The following UPF1 variants were observed in gnomAD, a reference collection of about 807,000 sequenced individuals.
The protein encoded by UPF1 is UPF1 RNA helicase and ATPase.
Under a neutral mutation model 129.2 loss-of-function variants are expected in UPF1, and 9 were observed. The observed-to-expected ratio is 0.07, with a 90% CI of 0.04 to 0.12. The LOEUF (loss-of-function observed/expected upper bound fraction) is 0.12. Among genes scored for constraint, UPF1 ranks in the 10% least tolerant of loss-of-function variants. UPF1 has a pLI of 1.00. For synonymous variants in UPF1, 649 were observed against 644.9 expected (o/e 1.01, Z -0.10); for missense variants, 788 against 1,525.3 (o/e 0.52, Z 8.05).
chr19:18,837,869 CT>C (rs1407826018), intron 1 of UPF1, among the ~76,000 whole-genome samples: 1 of 152,174 alleles, frequency 6.6e-6, no homozygotes, highest in Non-Finnish European at 1.5e-5. Context: ...GAAAAACATG[CT>C]GTCTTTCTGG....
rs901712860 is a variant in UPF1, at chr19:18,851,547, C to T, written c.811-588C>T. ...GGATTTTCCGGTTGCCAGATGATTT[C>T]ATGATTCCCGTTTATATCTGAACAG... is the stretch of plus-strand genomic sequence containing the variant. On this transcript the variant is annotated intron_variant, in intron 5 of 23. Coordinates refer to ENST00000262803, the MANE Select transcript of UPF1 (RefSeq NM_002911.4). The surrounding 1 kb of genome is among the most constrained non-coding windows in gnomAD (Gnocchi z 4.2). 6.6e-6 allele frequency among the ~76,000 whole-genome samples: 1 copy of T among 152,072 alleles called. No homozygotes were observed. The highest frequency in any genetic ancestry group is 1.5e-5 in the Non-Finnish European group (1 of 68,034).
chr19:18,851,079 C>T lies in UPF1; in HGVS notation c.810+211C>T. ...CCTTACCTGACCGAGAAGATCCTGGCCTTGGGGAAAGGAAAGCTCTGGCTG... is the reference window on the plus strand; with the variant it reads ...CCTTACCTGACCGAGAAGATCCTGGTCTTGGGGAAAGGAAAGCTCTGGCTG... On this transcript the variant is annotated intron_variant, in intron 5 of 23. Coordinates refer to ENST00000262803, the MANE Select transcript of UPF1 (RefSeq NM_002911.4). This position sits in a 1 kb window ranked among gnomAD's most constrained non-coding sequence, Gnocchi z 4.2. 2.0e-6 allele frequency: 1 copy of T among 499,334 alleles called. No individual in the cohort carries two copies. Among genetic ancestry groups the T allele is most frequent in the Non-Finnish European group, 3.3e-6 (1 of 300,382 alleles). The allele number at this position is 499,334 out of a possible 1,614,324, so 30.9% of individuals were successfully genotyped here. A position where few individuals can be genotyped will look rare whatever the true frequency, so the allele number is the denominator to read the frequency against.
chr19:18,855,282 G>A (rs1215951080), intron 11 of UPF1, 40 bp downstream of exon 11: 2 of 1,593,920 alleles, frequency 1.3e-6, no homozygotes, highest in South Asian at 1.1e-5. Context: ...ACCCGGGAGG[G>A]CTTTAGGGTG....
chr19:18,860,835 T>A lies in UPF1; in HGVS notation c.2310T>A (p.Ala770=). Residue 770 remains alanine, a synonymous_variant, in exon 17 of 24, where the codon GCT becomes GCA. Transcript: ENST00000262803. ...SGTSYLNRTE[A]ANVEKITTKL... is the part of the protein sequence containing the mutation. ...AGCCTGGGTTTCTTAGGACCGAGGCTGCGAACGTGGAGAAGATCACCACGA... is the reference window on the plus strand; with the variant it reads ...AGCCTGGGTTTCTTAGGACCGAGGCAGCGAACGTGGAGAAGATCACCACGA... The A allele has an allele frequency of 6.2e-7, 1 of 1,612,482 alleles. No homozygotes were observed. Among genetic ancestry groups the A allele is most frequent in the Non-Finnish European group, 8.5e-7 (1 of 1,179,684 alleles).
Position 18,865,804 on chromosome 19 carries a change from T to TA in UPF1, c.3237+27dup. ...GTGAGCCCGCCCCTGGGACGGGACT[T>TA]ACCTGAGTGAGGGTGGGGCTATGCA... On this transcript the variant is annotated intron_variant, in intron 22 of 23. Coordinates refer to ENST00000262803, the MANE Select transcript of UPF1 (RefSeq NM_002911.4). This position sits in a 1 kb window ranked among gnomAD's most constrained non-coding sequence, Gnocchi z 6.1. The TA allele has an allele frequency of 6.2e-7, 1 of 1,611,108 alleles. No homozygotes were observed. The highest frequency in any genetic ancestry group is 1.3e-5 in the African/African-American group (1 of 75,020).
intron 1 of UPF1, among the ~76,000 whole-genome samples, chr19:18,841,453 G>A (rs993587411): frequency 2.1e-4 from 32 of 152,320 alleles, no homozygotes; most frequent in Admixed American, 1.6e-3. Context: ...GGCTTTTCAC[G>A]ATTGTCCGAT....
At chr19:18,834,855 A>C (rs1250810150) in intron 1 of UPF1, among the ~76,000 whole-genome samples, 1 of 152,126 alleles carries the variant, frequency 6.6e-6, no homozygotes, top group African/African-American at 2.4e-5. Context: ...GGAAACTCTC[A>C]TTCTGCTTTT....
chr19:18,850,655 A>C lies in UPF1; in HGVS notation c.630-33A>C, dbSNP rs1272661588. ...CCTGCTCCGGGGCTTCAGGGACGGG[A>C]GCTGGTCCTCACGGCCCCCTCCCGC... On this transcript the variant is annotated intron_variant, in intron 4 of 23. Transcript: ENST00000262803. The surrounding 1 kb of genome is among the most constrained non-coding windows in gnomAD (Gnocchi z 7.1). The C allele has an allele frequency of 6.5e-7, 1 of 1,528,418 alleles. No homozygotes were observed. The highest frequency in any genetic ancestry group is 8.8e-7 in the Non-Finnish European group (1 of 1,137,014). 94.7% of individuals were successfully genotyped at this position (1,528,418 alleles called of 1,614,324 possible). A position where few individuals can be genotyped will look rare whatever the true frequency, so the allele number is the denominator to read the frequency against.
At chr19:18,846,948 C>T (rs187567221) in intron 2 of UPF1, among the ~76,000 whole-genome samples, 73 of 152,296 alleles carry the variant, frequency 4.8e-4, no homozygotes, top group Admixed American at 5.2e-4. Context: ...GAGCCGAGAT[C>T]GCACCACTGC....
rs557862545 is a variant in UPF1, at chr19:18,863,319, G to A, written c.2601-119G>A. ...GTGGCTGGCAGCCTGCCTGCTGCCCGGTCCACGCCTCTGTTGCCTTGGATT... is the reference window on the plus strand; with the variant it reads ...GTGGCTGGCAGCCTGCCTGCTGCCCAGTCCACGCCTCTGTTGCCTTGGATT... On this transcript the variant is annotated intron_variant, in intron 18 of 23. Coordinates refer to ENST00000262803, the MANE Select transcript of UPF1 (RefSeq NM_002911.4). 1.0e-4 allele frequency: 136 copies of A among 1,336,126 alleles called. No homozygotes were observed. The East Asian group carries it at 2.9e-3, about 28-fold the overall frequency. 82.8% of individuals were successfully genotyped at this position (1,336,126 alleles called of 1,614,324 possible).
chr19:18,860,342 T>A lies in UPF1; in HGVS notation c.2204T>A (p.Phe735Tyr), dbSNP rs1248809941. 1 of 1,614,154 alleles carries A rather than the reference T, an allele frequency of 6.2e-7. No individual in the cohort carries two copies. ...VTAADRVKKG[F>Y]DFQWPQPDKP... ...ACAGCGGATCGTGTGAAGAAGGGAT[T>A]TGACTTCCAGTGGCCCCAACCCGAT... The change falls in exon 16 of 24, where the codon TTT (phenylalanine) becomes TAT (tyrosine). Residue 735 changes from phenylalanine (F) to tyrosine (Y), a missense_variant. By Grantham distance (22) the Phe-to-Tyr change is conservative (BLOSUM62 3). Transcript: ENST00000262803.
chr19:18,866,076 A>G lies in UPF1; in HGVS notation c.3270A>G (p.Gln1090=), dbSNP rs1359741440. The change falls in exon 23 of 24, where the codon CAA becomes CAG. Residue 1090 remains glutamine, a synonymous_variant. Coordinates refer to ENST00000262803, the MANE Select transcript of UPF1 (RefSeq NM_002911.4). Reference sequence around the variant, plus strand: ...ACCTTGGTGACGAGTTTAAATCACAAATCGACGTGGCGCTCTCACAGGACT... The same window carrying G: ...ACCTTGGTGACGAGTTTAAATCACAGATCGACGTGGCGCTCTCACAGGACT... ...DSYLGDEFKS[Q]IDVALSQDST... 4 of 1,613,294 alleles carry G rather than the reference A, an allele frequency of 2.5e-6. No individual in the cohort carries two copies. In the South Asian group the frequency reaches 4.4e-5, roughly 18 times the overall value.
At chr19:18,857,096 G>A (rs2055727171) in intron 14 of UPF1, 76 bp downstream of exon 14, 2 of 1,558,368 alleles carry the variant, frequency 1.3e-6, no homozygotes, top group African/African-American at 1.4e-5. Context: ...AAAACACCTT[G>A]TATTGACGTA....
In UPF1 at chr19:18,855,020, C is replaced by A. The variant is rs148681833; in HGVS notation, c.1407C>A (p.Pro469=). The A allele has an allele frequency of 6.2e-7, 1 of 1,614,000 alleles. No individual in the cohort carries two copies. The highest frequency in any genetic ancestry group is 8.5e-7 in the Non-Finnish European group (1 of 1,180,024). Residue 469 remains proline (P), a synonymous_variant, in exon 10 of 24, where the codon CCC becomes CCA. Transcript: ENST00000262803. Reference sequence around the variant, plus strand: ...AGCGCTTCACGGCGCAGGGCCTCCCCGACCTCAACCACTCCCAGGTGCGCG... The same window carrying A: ...AGCGCTTCACGGCGCAGGGCCTCCCAGACCTCAACCACTCCCAGGTGCGCG... ...LPKRFTAQGL[P]DLNHSQVYAV... is the part of the protein sequence containing the mutation.
At position 18,850,598 on chromosome 19, in the gene UPF1, T is replaced by G; in HGVS notation, c.630-90T>G. ...TAATAAAATGCAGGGCATGCCCCTT[T>G]GGGTGAAAGGTCAGCATGGGAGGGG... On this transcript the variant is annotated intron_variant, in intron 4 of 23. Transcript: ENST00000262803. This position sits in a 1 kb window ranked among gnomAD's most constrained non-coding sequence, Gnocchi z 7.1. The G allele has an allele frequency of 1.4e-6, 2 of 1,406,528 alleles. No individual in the cohort carries two copies. Among genetic ancestry groups the G allele is most frequent in the Non-Finnish European group, 1.9e-6 (2 of 1,066,694 alleles). 87.1% of individuals were successfully genotyped at this position (1,406,528 alleles called of 1,614,324 possible). A position where few individuals can be genotyped will look rare whatever the true frequency, so the allele number is the denominator to read the frequency against.
rs372984189 is a variant in UPF1, at chr19:18,865,825, A to G, written c.3237+47A>G. 9.8e-4 allele frequency: 1,574 copies of G among 1,606,686 alleles called. 26 individuals are homozygous for G. The South Asian group carries it at 0.016, about 17-fold the overall frequency. On this transcript the variant is annotated intron_variant, in intron 22 of 23. Coordinates refer to ENST00000262803, the MANE Select transcript of UPF1 (RefSeq NM_002911.4). This position sits in a 1 kb window ranked among gnomAD's most constrained non-coding sequence, Gnocchi z 6.1. Reference sequence around the variant, plus strand: ...GACTTACCTGAGTGAGGGTGGGGCTATGCACCTGAAACATTCCCTCTGAAG... The same window carrying G: ...GACTTACCTGAGTGAGGGTGGGGCTGTGCACCTGAAACATTCCCTCTGAAG...
intron 1 of UPF1, among the ~76,000 whole-genome samples, chr19:18,842,795 T>G (rs2055555074): frequency 6.6e-6 from 1 of 151,594 alleles, no homozygotes; most frequent in South Asian, 2.1e-4. Flanking sequence ...AGGTTGGGAG[T>G]TCGAGACCAG....
rs755754003 is a variant in UPF1 at position 18,862,036 on chromosome 19, C to G, written c.2484C>G (p.Ala828=). The G allele has an allele frequency of 3.1e-6, 5 of 1,613,030 alleles. No homozygotes were observed. In the African/African-American group the frequency reaches 6.7e-5, roughly 22 times the overall value. ...AGGTGGAGATCGCCAGTGTGGACGCCTTTCAGGGACGCGAGAAGGACTTCA... is the reference window on the plus strand; with the variant it reads ...AGGTGGAGATCGCCAGTGTGGACGCGTTTCAGGGACGCGAGAAGGACTTCA... ...YQEVEIASVD[A]FQGREKDFII... is the part of the protein sequence containing the mutation. The change falls in exon 18 of 24, where the codon GCC becomes GCG. Residue 828 remains alanine (A), a synonymous_variant. Coordinates refer to ENST00000262803, the MANE Select transcript of UPF1 (RefSeq NM_002911.4).
chr19:18,857,222 T>C (rs1032736931), intron 14 of UPF1, 98 bp from the exon 15 acceptor site: 78 of 1,473,444 alleles, frequency 5.3e-5, no homozygotes, highest in Non-Finnish European at 6.4e-5. Context: ...GGCCAGGTGG[T>C]GTCCTGTGCA....
Sources: gnomAD v4.1 joint callset for allele counts (sites outside exome capture counted in the v4.1 genomes callset) on GRCh38, gnomAD v4.1.1 for gene constraint, Gnocchi (gnomAD v3.1) non-coding constraint, MANE v1.5 for transcripts, NCBI Gene and HGNC (gene_info 2026-07-23, HGNC 2026-07-21) for gene names.